Variants in TMED5 observed in about 807,000 individuals in gnomAD.
TMED5 encodes the protein transmembrane p24 trafficking protein 5, also known as transmembrane emp24 domain-containing protein 5.
Under a neutral mutation model 23.0 loss-of-function variants are expected in TMED5, and 27 were observed. The ratio of observed to expected loss-of-function variants is 1.17; its 90% CI spans 0.86 to 1.62. The LOEUF (loss-of-function observed/expected upper bound fraction) is 1.62, where lower values mean the gene tolerates loss of function less well. Ranked by LOEUF, TMED5 falls within the 40% of genes most tolerant of loss-of-function variation. The pLI is 0.00. For missense variants in TMED5, 248 were observed against 273.7 expected (o/e 0.91, Z 0.66); for synonymous variants, 97 against 100.8 (o/e 0.96, Z 0.23).
intron 1 of TMED5, chr1:93,162,070 T>A (rs1019182389): frequency 6.6e-6 from 1 of 151,996 alleles, no homozygotes; most frequent in Non-Finnish European, 1.5e-5. Context: ...AAAGAATCTA[T>A]TTGGAACACT....
At chr1:93,177,707 C>G (rs1336406525) in intron 1 of TMED5, among the ~76,000 whole-genome samples, 1 of 150,746 alleles carries the variant, frequency 6.6e-6, no homozygotes, top group South Asian at 2.1e-4. Context: ...AATTAACATT[C>G]ATTGATTATT....
At chr1:93,156,623 G>T in intron 2 of TMED5, 140 bp from the exon 3 acceptor site, 1 of 650,440 alleles carries the variant, frequency 1.5e-6, no homozygotes, top group South Asian at 2.0e-5. Flanking sequence ...GGGCAAGGCT[G>T]GTAGATCACT....
At chr1:93,170,155 C>A (rs1268331475) in intron 1 of TMED5, among the ~76,000 whole-genome samples, 1 of 152,260 alleles carries the variant, frequency 6.6e-6, no homozygotes, top group African/African-American at 2.4e-5. Flanking sequence ...GGCCTTGGCG[C>A]CCACTCTGGC....
chr1:93,174,530 T>C (rs1392690942), intron 1 of TMED5, among the ~76,000 whole-genome samples: 2 of 152,176 alleles, frequency 1.3e-5, no homozygotes, highest in East Asian at 3.9e-4. Context: ...GAAGGTTACA[T>C]AGGTAAACGT....
chr1:93,169,043 G>A (rs1164818573), intron 1 of TMED5, among the ~76,000 whole-genome samples: 3 of 152,104 alleles, frequency 2.0e-5, no homozygotes, highest in African/African-American at 7.2e-5. Flanking sequence ...CAAGCCAAGA[G>A]GCAAAAAATC....
At chr1:93,170,095 T>C (rs1557577059) in intron 1 of TMED5, among the ~76,000 whole-genome samples, 2 of 152,110 alleles carry the variant, frequency 1.3e-5, no homozygotes, top group African/African-American at 2.4e-5. Context: ...ATAATAGTGG[T>C]GAGAGGTGAC....
Position 93,166,861 on chromosome 1 carries a change from C to T in TMED5, c.190-6635G>A, listed in dbSNP as rs1046554195. ...CCAGACCAATGTCCTGGAGAGTTAT[C>T]CTAATGTTTTCTGGTAGTAGTTTCA... On this transcript the variant is annotated intron_variant, in intron 1 of 3. Transcript: ENST00000370282. 2.0e-5 allele frequency among the ~76,000 whole-genome samples: 3 copies of T among 152,152 alleles called. No homozygotes were observed. In the South Asian group the frequency reaches 6.2e-4, roughly 32 times the overall value.
chr1:93,180,015 G>A (rs1372145499), intron 1 of TMED5, 39 bp downstream of exon 1: 1 of 1,591,804 alleles, frequency 6.3e-7, no homozygotes, highest in South Asian at 1.1e-5. Flanking sequence ...CAGTGCAGCT[G>A]GGTTAAAGGA....
In TMED5 at chr1:93,180,050, TTACTTGG is replaced by T. The variant is rs1649255988; in HGVS notation, c.186_189+3del. On this transcript the variant is annotated splice_donor_variant and splice_donor_region_variant and coding_sequence_variant and intron_variant, in exon 1 of 4. Coordinates refer to ENST00000370282, the MANE Select transcript of TMED5 (RefSeq NM_016040.5). LOFTEE classifies it high-confidence loss of function. ...AAGGAGGCTGGTTTATCCTCCGCAC[TTACTTGG>T]TACTCGATCTCCAGCGAGGCCTTCA... 3 of 1,611,922 alleles carry T rather than the reference TTACTTGG, an allele frequency of 1.9e-6. No homozygotes were observed. In the East Asian group the frequency reaches 6.7e-5, roughly 36 times the overall value.
rs781762959 is a variant in TMED5, at chr1:93,154,856, G to C, written c.504C>G (p.Ser168Arg). The stretch of plus-strand genomic sequence containing the variant: ...GCAGAGTTTGTATGTGCCCACTTTT[G>C]CTTAGTCTGGACTTGATGCTGTTGA... ...ESINSIKSRL[S>R]KSGHIQTLLR... Residue 168 changes from serine to arginine, a missense_variant, in exon 4 of 4, where the codon AGC becomes AGG. Ser to Arg is a moderately radical substitution (Grantham distance 110). Transcript: ENST00000370282. 3.7e-6 allele frequency: 6 copies of C among 1,613,244 alleles called. No individual in the cohort carries two copies. The highest frequency in any genetic ancestry group is 5.1e-6 in the Non-Finnish European group (6 of 1,179,260).
chr1:93,177,980 C>T (rs1029194517), intron 1 of TMED5, among the ~76,000 whole-genome samples: 2 of 152,134 alleles, frequency 1.3e-5, no homozygotes, highest in African/African-American at 4.8e-5. Context: ...TGTGTAAATA[C>T]TGAAGATTTT....
chr1:93,155,625 A>C (rs1648047079), intron 3 of TMED5, among the ~76,000 whole-genome samples: 1 of 148,574 alleles, frequency 6.7e-6, no homozygotes, highest in African/African-American at 2.5e-5. Context: ...TCAAATGATT[A>C]AGTTTTTAGA....
chr1:93,169,882 T>TACAC (rs59467244), intron 1 of TMED5, among the ~76,000 whole-genome samples: 23,834 of 130,406 alleles, frequency 0.18, 2,388 homozygotes, highest in East Asian at 0.29. Context: ...ACCCTGTCTG[T>TACAC]ACACACACAC....
At chr1:93,172,286 A>G (rs188088882) in intron 1 of TMED5, among the ~76,000 whole-genome samples, 18 of 152,306 alleles carry the variant, frequency 1.2e-4, no homozygotes, top group Non-Finnish European at 2.2e-4. Flanking sequence ...TCCTTGTGAT[A>G]GTCCATGTAG....
At chr1:93,173,764 TA>T (rs1648811865) in intron 1 of TMED5, among the ~76,000 whole-genome samples, 1 of 152,220 alleles carries the variant, frequency 6.6e-6, no homozygotes, top group South Asian at 2.1e-4. Flanking sequence ...ACTTCCTTAT[TA>T]AAAACTGATT....
intron 1 of TMED5, among the ~76,000 whole-genome samples, chr1:93,175,295 A>C: frequency 8.9e-6 from 1 of 112,024 alleles, no homozygotes; most frequent in Non-Finnish European, 1.8e-5. Context: ...TTACTCCCTT[A>C]TGCCTATATA....
rs199964641 is a variant in TMED5, at chr1:93,160,230, T to C, written c.190-4A>G. ...CTAATCCTGCTCCATCTAAAACCTGTAGAAAAGCATACATGAGAAAAACAT... is the reference window on the plus strand; with the variant it reads ...CTAATCCTGCTCCATCTAAAACCTGCAGAAAAGCATACATGAGAAAAACAT... On this transcript the variant is annotated splice_polypyrimidine_tract_variant and splice_region_variant and intron_variant, in intron 1 of 3. Coordinates refer to ENST00000370282, the MANE Select transcript of TMED5 (RefSeq NM_016040.5). 2.0e-5 allele frequency: 31 copies of C among 1,570,720 alleles called. No individual in the cohort carries two copies. The African/African-American group carries it at 2.7e-4, about 14-fold the overall frequency.
chr1:93,160,055 C>G, intron 2 of TMED5, 74 bp downstream of exon 2: 1 of 840,566 alleles, frequency 1.2e-6, no homozygotes, highest in South Asian at 1.5e-5. Flanking sequence ...ATCAAATGTG[C>G]TAACTTTCCA....
intron 1 of TMED5, among the ~76,000 whole-genome samples, chr1:93,167,686 A>AATCT (rs1648557389): frequency 6.6e-6 from 1 of 152,198 alleles, no homozygotes; most frequent in Non-Finnish European, 1.5e-5. Flanking sequence ...AATATAAGAT[A>AATCT]TATCATTTGC....
Sources: allele counts gnomAD v4.1 joint callset (sites outside exome capture counted in the v4.1 genomes callset), GRCh38; gene constraint gnomAD v4.1.1; transcripts MANE v1.5; gene names NCBI Gene and HGNC (gene_info 2026-07-23, HGNC 2026-07-21).